The following TTC28 variants were observed in gnomAD, a reference collection of about 807,000 sequenced individuals.
The protein encoded by TTC28 is tetratricopeptide repeat protein 28.
Under a neutral mutation model 198.0 loss-of-function variants are expected in TTC28, and 61 were observed. The ratio of observed to expected loss-of-function variants is 0.31; its 90% CI spans 0.25 to 0.38. TTC28 has a LOEUF of 0.38. TTC28 is among the 10% of genes least tolerant of loss of function. The pLI is 1.00. For missense variants in TTC28, 2,678 were observed against 3,164.0 expected (o/e 0.85, Z 3.69); for synonymous variants, 1,171 against 1,297.8 (o/e 0.90, Z 2.10).
intron 2 of TTC28, among the ~76,000 whole-genome samples, chr22:28,322,341 T>C (rs972891943): frequency 1.5e-4 from 23 of 152,130 alleles, no homozygotes; most frequent in African/African-American, 5.1e-4. Context: ...TGCCAAAGTA[T>C]AAACATAAAA....
intron 5 of TTC28, among the ~76,000 whole-genome samples, chr22:28,175,120 T>C (rs1469910029): frequency 6.6e-6 from 1 of 150,876 alleles, no homozygotes; most frequent in African/African-American, 2.4e-5. Flanking sequence ...CAATTCTAAA[T>C]AGAATAAGGA....
Position 28,161,546 on chromosome 22 carries a change from C to G in TTC28, c.1441+1546G>C, listed in dbSNP as rs559209835. Among the ~76,000 whole-genome samples the G allele has an allele frequency of 7.2e-5, 11 of 151,964 alleles. No individual in the cohort carries two copies. The East Asian group carries it at 2.1e-3, about 29-fold the overall frequency. ...CACTGCATCTATGGTTCTAGCTACT[C>G]GGGAGGCTGAGGTGGGAGGATCACT... On this transcript the variant is annotated intron_variant, in intron 6 of 22. Transcript: ENST00000397906.
At chr22:28,042,934 A>T (rs539904417) in intron 12 of TTC28, among the ~76,000 whole-genome samples, 7 of 152,180 alleles carry the variant, frequency 4.6e-5, no homozygotes, top group African/African-American at 1.7e-4. Flanking sequence ...TCTGACCATA[A>T]ACATTCTACT....
chr22:28,590,034 C>CAAAAAAAAAAAAAAAAAAAAAAA (rs71194779), intron 2 of TTC28, among the ~76,000 whole-genome samples: 16 of 68,052 alleles, frequency 2.4e-4, no homozygotes, highest in South Asian at 8.1e-4. Context: ...AAGACTCCAT[C>CAAAAAAAAAAAAAAAAAAAAAAA]AAAAAAAAAA....
intron 5 of TTC28, among the ~76,000 whole-genome samples, chr22:28,221,393 T>A (rs1927850321): frequency 6.6e-6 from 1 of 152,168 alleles, no homozygotes; most frequent in Non-Finnish European, 1.5e-5. Flanking sequence ...TAACCCAGGG[T>A]TACCTTTGCT....
intron 3 of TTC28, among the ~76,000 whole-genome samples, chr22:28,300,821 C>T (rs1479947771): frequency 6.6e-6 from 1 of 152,064 alleles, no homozygotes; most frequent in Non-Finnish European, 1.5e-5. Context: ...GCTGAATAGG[C>T]CAGCTTGAAC....
At chr22:28,098,235 G>A (rs1282089694) in intron 10 of TTC28, among the ~76,000 whole-genome samples, 1 of 152,212 alleles carries the variant, frequency 6.6e-6, no homozygotes, top group Non-Finnish European at 1.5e-5. Flanking sequence ...TTATTAGACA[G>A]CAACCTTGAA....
chr22:28,630,072 G>A (rs951385859), intron 1 of TTC28, among the ~76,000 whole-genome samples: 1 of 151,986 alleles, frequency 6.6e-6, no homozygotes, highest in Admixed American at 6.6e-5. Context: ...CGGTTGTTAA[G>A]AGACCTGCCA....
chr22:28,304,485 T>C (rs756892881), intron 3 of TTC28, among the ~76,000 whole-genome samples: 4 of 152,004 alleles, frequency 2.6e-5, no homozygotes, highest in Non-Finnish European at 4.4e-5. Context: ...ATCAGATAAA[T>C]TAAATTGCCT....
chr22:28,614,048 T>A (rs530501932), intron 2 of TTC28, among the ~76,000 whole-genome samples: 3 of 152,302 alleles, frequency 2.0e-5, no homozygotes, highest in Admixed American at 2.0e-4. Context: ...GAAAACCCCA[T>A]CATCTTAGCC....
intron 6 of TTC28, among the ~76,000 whole-genome samples, chr22:28,133,570 G>A (rs770214934): frequency 3.3e-5 from 5 of 152,190 alleles, no homozygotes; most frequent in Non-Finnish European, 7.3e-5. Context: ...TATAACCCGC[G>A]CATGGCTCAG....
rs567505526 is a variant in TTC28, at chr22:28,266,675, T to C, written c.933+29523A>G. 6.6e-5 allele frequency among the ~76,000 whole-genome samples: 10 copies of C among 152,192 alleles called. No individual in the cohort carries two copies. In the East Asian group the frequency reaches 1.7e-3, roughly 26 times the overall value. On this transcript the variant is annotated intron_variant, in intron 5 of 22. Transcript: ENST00000397906. ...GACAGGCTGAGCATAATCAGGGAAA[T>C]TGCCAAGCCACTGACTTCAGCTGAC...
chr22:28,574,672 T>C (rs1167002526), intron 2 of TTC28, among the ~76,000 whole-genome samples: 1 of 152,216 alleles, frequency 6.6e-6, no homozygotes, highest in Non-Finnish European at 1.5e-5. Context: ...TTTCTCCATA[T>C]ACTCAACAGC....
rs573684690 is a variant in TTC28 at position 28,074,223 on chromosome 22, C to G, written c.3932+19857G>C. Among the ~76,000 whole-genome samples, 71 of 152,074 alleles carry G rather than the reference C, an allele frequency of 4.7e-4. No individual in the cohort carries two copies. In the South Asian group the frequency reaches 0.015, roughly 31 times the overall value. On this transcript the variant is annotated intron_variant, in intron 12 of 22. Coordinates refer to ENST00000397906, the MANE Select transcript of TTC28 (RefSeq NM_001145418.2). ...GTTACATAAAGTTTTATAAAATCAA[C>G]CAGAAAAAAAAGACTGGGGAATTTT...
At chr22:28,367,790 T>C (rs1323312493) in intron 2 of TTC28, among the ~76,000 whole-genome samples, 1 of 151,934 alleles carries the variant, frequency 6.6e-6, no homozygotes, top group African/African-American at 2.4e-5. Flanking sequence ...TGAACAACTA[T>C]ATGCCAATAA....
chr22:28,570,889 A>T (rs1569032175), intron 2 of TTC28, among the ~76,000 whole-genome samples: 1 of 152,218 alleles, frequency 6.6e-6, no homozygotes, highest in Non-Finnish European at 1.5e-5. Context: ...GATACAAGGC[A>T]CTACAGAGGA....
intron 12 of TTC28, among the ~76,000 whole-genome samples, chr22:28,077,390 A>G (rs752523741): frequency 4.6e-5 from 7 of 152,222 alleles, no homozygotes; most frequent in Non-Finnish European, 5.9e-5. Context: ...TCCTGGGCTC[A>G]AGTGATCCTC....
chr22:28,346,700 C>T (rs924283005), intron 2 of TTC28, among the ~76,000 whole-genome samples: 6 of 152,070 alleles, frequency 3.9e-5, no homozygotes, highest in Middle Eastern at 3.2e-3. Flanking sequence ...ATCTCTGTAA[C>T]GCAAGACTCT....
intron 2 of TTC28, among the ~76,000 whole-genome samples, chr22:28,489,217 G>T (rs2048346033): frequency 6.6e-6 from 1 of 151,758 alleles, no homozygotes; most frequent in South Asian, 2.1e-4. Flanking sequence ...CCAGGAATTC[G>T]AGGCTTCTGT....
Sources: gnomAD v4.1 joint callset for allele counts (sites outside exome capture counted in the v4.1 genomes callset) on GRCh38, gnomAD v4.1.1 for gene constraint, MANE v1.5 for transcripts, NCBI Gene and HGNC (gene_info 2026-07-23, HGNC 2026-07-21) for gene names.